The following CTNNA2 variants were observed in gnomAD, a reference collection of about 807,000 sequenced individuals.
CTNNA2 encodes catenin alpha-2.
Under a neutral mutation model 101.0 loss-of-function variants are expected in CTNNA2, and 42 were observed. The ratio of observed to expected loss-of-function variants is 0.42; its 90% confidence interval spans 0.32 to 0.54. The LOEUF (loss-of-function observed/expected upper bound fraction) is 0.54. CTNNA2 is among the 20% of genes least tolerant of loss of function. The pLI, the probability that CTNNA2 is intolerant of heterozygous loss-of-function variation, is 0.14. For missense variants in CTNNA2, 871 were observed against 1,223.1 expected (o/e 0.71, Z 4.29); for synonymous variants, 450 against 456.4 (o/e 0.99, Z 0.18).
chr2:80,238,955 G>A (rs772646921), intron 7 of CTNNA2, among the ~76,000 whole-genome samples: 79 of 152,264 alleles, frequency 5.2e-4, no homozygotes, highest in Non-Finnish European at 1.0e-3. Context: ...CACAATAGAA[G>A]CTAATTGTTA....
chr2:80,038,814 A>G (rs1415095045), intron 7 of CTNNA2, among the ~76,000 whole-genome samples: 2 of 152,186 alleles, frequency 1.3e-5, no homozygotes, highest in Non-Finnish European at 2.9e-5. Flanking sequence ...GTGCCACTGC[A>G]CTCCAGCCTG....
At chr2:80,072,588 C>T (rs1185687568) in intron 7 of CTNNA2, among the ~76,000 whole-genome samples, 2 of 152,132 alleles carry the variant, frequency 1.3e-5, no homozygotes, top group Non-Finnish European at 2.9e-5. Context: ...AGTTGAAAAG[C>T]CCTGCCACTA....
At chr2:80,383,048 G>C (rs1676659552) in intron 7 of CTNNA2, among the ~76,000 whole-genome samples, 1 of 152,076 alleles carries the variant, frequency 6.6e-6, no homozygotes, top group Non-Finnish European at 1.5e-5. Flanking sequence ...TCTCTTGCAG[G>C]CTTAGAAGGG....
At chr2:80,068,348 C>T (rs186504699) in intron 7 of CTNNA2, among the ~76,000 whole-genome samples, 1 of 152,318 alleles carries the variant, frequency 6.6e-6, no homozygotes, top group African/African-American at 2.4e-5. Context: ...ACAGGGAGGT[C>T]ATGCTTCTCC....
intron 7 of CTNNA2, among the ~76,000 whole-genome samples, chr2:80,192,667 C>G (rs968349250): frequency 1.3e-5 from 2 of 152,114 alleles, no homozygotes; most frequent in Non-Finnish European, 2.9e-5. Flanking sequence ...GCTAGGGTTA[C>G]GGCACTAGCC....
rs1480276436 is a variant in CTNNA2, at chr2:80,237,758, G to A, written c.1057-155453G>A. Among the ~76,000 whole-genome samples, 41 of 152,128 alleles carry A rather than the reference G, an allele frequency of 2.7e-4. 1 individual carries two copies. The highest frequency in any genetic ancestry group is 2.7e-3 in the Admixed American group (41 of 15,272). ...GCATGAGTTCTTAAAATTCTGTCCT[G>A]AATATGAAACTCAGGATTGGGAAAT... is the stretch of plus-strand genomic sequence containing the variant. On this transcript the variant is annotated intron_variant, in intron 7 of 18. Coordinates refer to ENST00000402739, the MANE Select transcript of CTNNA2 (RefSeq NM_001282597.3).
At chr2:79,876,276 A>C (rs1323155554) in intron 6 of CTNNA2, among the ~76,000 whole-genome samples, 1 of 152,150 alleles carries the variant, frequency 6.6e-6, no homozygotes, top group Non-Finnish European at 1.5e-5. Context: ...TATTTCAGGG[A>C]AAAGTAAATG....
chr2:80,371,164 G>C (rs190900745), intron 7 of CTNNA2, among the ~76,000 whole-genome samples: 22 of 152,260 alleles, frequency 1.4e-4, no homozygotes, highest in African/African-American at 5.1e-4. Context: ...GAAGGTGAGA[G>C]TGACCTTTCT....
At chr2:79,818,554 A>T (rs371568208) in intron 3 of CTNNA2, among the ~76,000 whole-genome samples, 2 of 151,402 alleles carry the variant, frequency 1.3e-5, no homozygotes, top group African/African-American at 4.9e-5. Flanking sequence ...TGACCTTGTG[A>T]TCCACTCACC....
intron 9 of CTNNA2, among the ~76,000 whole-genome samples, chr2:80,435,132 A>G (rs1681918807): frequency 6.6e-6 from 1 of 152,218 alleles, no homozygotes; most frequent in Non-Finnish European, 1.5e-5. Context: ...TGCAACAACC[A>G]AAAATGATCC....
chr2:79,290,831 C>A (rs918570354), intron 2 of CTNNA2, among the ~76,000 whole-genome samples: 1 of 152,202 alleles, frequency 6.6e-6, no homozygotes, highest in Non-Finnish European at 1.5e-5. Flanking sequence ...TGATCCAAAT[C>A]TTCTGGTACA....
rs554562946 is a variant in CTNNA2 at position 79,311,883 on chromosome 2, C to T, written c.-405-826C>T. ...CATGCAATTTATTTATGCGTTTTCT[C>T]CTAAGGGCAGTCTTATTTTTGTTTT... is the stretch of plus-strand genomic sequence containing the variant. On this transcript the variant is annotated intron_variant, in intron 2 of 21. Transcript: ENST00000466387. Among the ~76,000 whole-genome samples the T allele has an allele frequency of 2.6e-5, 4 of 152,244 alleles. No homozygotes were observed. The East Asian group carries it at 7.7e-4, about 29-fold the overall frequency.
chr2:80,442,049 A>C (rs1682638674), intron 9 of CTNNA2, among the ~76,000 whole-genome samples: 1 of 152,224 alleles, frequency 6.6e-6, no homozygotes, highest in South Asian at 2.1e-4. Context: ...AGCCTGCAAA[A>C]TAAGTTTGTA....
chr2:79,853,757 C>T (rs2103923037), intron 3 of CTNNA2, among the ~76,000 whole-genome samples: 1 of 151,268 alleles, frequency 6.6e-6, no homozygotes, highest in South Asian at 2.1e-4. Flanking sequence ...CAACATTCAC[C>T]TCCCGGGTTC....
intron 9 of CTNNA2, among the ~76,000 whole-genome samples, chr2:80,454,238 G>A (rs1683770274): frequency 6.6e-6 from 1 of 152,190 alleles, no homozygotes; most frequent in Admixed American, 6.5e-5. Flanking sequence ...TAAGAGAAAA[G>A]GAGGGGCTGA....
At chr2:79,234,905 G>A (rs1254196585) in intron 2 of CTNNA2, among the ~76,000 whole-genome samples, 3 of 152,074 alleles carry the variant, frequency 2.0e-5, no homozygotes, top group African/African-American at 4.8e-5. Flanking sequence ...TTCTTCAAAT[G>A]GCTATTTCAT....
chr2:80,232,363 T>TTTG (rs1709296011), intron 7 of CTNNA2, among the ~76,000 whole-genome samples: 1 of 56,374 alleles, frequency 1.8e-5, no homozygotes, highest in African/African-American at 3.8e-5. Context: ...TTTTTTTTTT[T>TTTG]TTTTTTTTTT....
At chr2:80,614,485 T>C (rs1018382476) in intron 17 of CTNNA2, among the ~76,000 whole-genome samples, 3 of 151,440 alleles carry the variant, frequency 2.0e-5, no homozygotes, top group African/African-American at 7.3e-5. Flanking sequence ...CCTTGAATTC[T>C]GGTATCTGCT....
rs978684157 is a variant in CTNNA2, at chr2:79,361,383, G to A, written c.-317-12448G>A. Among the ~76,000 whole-genome samples the A allele has an allele frequency of 2.6e-5, 4 of 152,118 alleles. No homozygotes were observed. The South Asian group carries it at 6.2e-4, about 24-fold the overall frequency. ...AGCTTCCCATTTGGCAGAAAAAAAA[G>A]GTGACAATATCAGAGAGATGAATGG... On this transcript the variant is annotated intron_variant, in intron 3 of 21. Coordinates refer to the CTNNA2 transcript ENST00000466387.
Sources: gnomAD v4.1 joint callset for allele counts (sites outside exome capture counted in the v4.1 genomes callset) on GRCh38, gnomAD v4.1.1 for gene constraint, MANE v1.5 for transcripts, NCBI Gene and HGNC (gene_info 2026-07-23, HGNC 2026-07-21) for gene names.